Variants in SRRM4 observed in about 807,000 individuals in gnomAD.
SRRM4 encodes the protein serine/arginine repetitive matrix protein 4.
A neutral mutation model predicts 68.9 loss-of-function variants in SRRM4; 33 were observed. That is an observed-to-expected ratio of 0.48 (90% confidence interval 0.36 to 0.64). SRRM4 has a LOEUF of 0.64. Ranked by LOEUF, SRRM4 falls within the 30% of genes least tolerant of loss-of-function variation. The pLI is 0.00. For missense variants in SRRM4, 817 were observed against 827.1 expected, an observed-to-expected ratio of 0.99 and a Z score of 0.15; for synonymous variants, 318 against 318.8, an observed-to-expected ratio of 1.00 and a Z score of 0.03.
At chr12:118,982,636 A>G (rs148663848) in intron 1 of SRRM4, among the ~76,000 whole-genome samples, 3 of 147,324 alleles carry the variant, frequency 2.0e-5, no homozygotes, top group African/African-American at 7.6e-5. Context: ...GCCTTCCAAG[A>G]TCGTGAAGAT....
chr12:119,051,915 C>G (rs1953745418), intron 1 of SRRM4, among the ~76,000 whole-genome samples: 1 of 152,226 alleles, frequency 6.6e-6, no homozygotes, highest in African/African-American at 2.4e-5. Flanking sequence ...ATCTGCACTT[C>G]TATTACTACC....
intron 1 of SRRM4, chr12:118,989,595 C>G (rs1319300395): frequency 2.7e-5 from 4 of 149,812 alleles, no homozygotes; most frequent in African/African-American, 9.8e-5. Flanking sequence ...CTCCCATATG[C>G]TACAGCCTCT....
intron 9 of SRRM4, among the ~76,000 whole-genome samples, chr12:119,147,516 G>A (rs573780809): frequency 1.2e-4 from 18 of 152,352 alleles, no homozygotes; most frequent in Admixed American, 2.6e-4. Context: ...AATGGACCAC[G>A]TTGGTGGAGG....
chr12:119,041,818 G>T (rs901699614), intron 1 of SRRM4, among the ~76,000 whole-genome samples: 3 of 152,176 alleles, frequency 2.0e-5, no homozygotes, highest in African/African-American at 7.2e-5. Context: ...CTGGATGGTG[G>T]TCAGAGGGTG....
intron 1 of SRRM4, among the ~76,000 whole-genome samples, chr12:119,009,185 C>T (rs563701201): frequency 1.3e-5 from 2 of 152,110 alleles, no homozygotes; most frequent in Non-Finnish European, 2.9e-5. Context: ...GGCTCCGGAG[C>T]GAGATGCTAA....
chr12:119,140,859 C>T (rs1349272035), intron 8 of SRRM4, among the ~76,000 whole-genome samples: 1 of 152,220 alleles, frequency 6.6e-6, no homozygotes, highest in Non-Finnish European at 1.5e-5. Context: ...TTTCTCTCTG[C>T]CAGGGGTCTG....
intron 1 of SRRM4, among the ~76,000 whole-genome samples, chr12:119,094,940 A>G (rs545001454): frequency 4.3e-4 from 65 of 152,370 alleles, no homozygotes; most frequent in Middle Eastern, 3.4e-3. Context: ...TGACAGCCTC[A>G]TAAAACTTCC....
rs1954252433 is a variant in SRRM4 at position 119,125,478 on chromosome 12, A to C, written c.613A>C (p.Arg205=). The change falls in exon 7 of 13, where the codon AGG becomes CGG. Residue 205 remains arginine, a splice_region_variant and synonymous_variant. Coordinates refer to ENST00000267260, the MANE Select transcript of SRRM4 (RefSeq NM_194286.4). The stretch of plus-strand genomic sequence containing the variant: ...GTCCCGCCCCTCAAGCTGTGAGAGC[A>C]GGTAACCCCTTGCCCCAGGATCCTC... ...SESRPSSCES[R]HRGRSPEEGQ... The C allele has an allele frequency of 6.3e-7, 1 of 1,580,048 alleles. No individual in the cohort carries two copies. The highest frequency in any genetic ancestry group is 8.6e-7 in the Non-Finnish European group (1 of 1,162,674).
intron 1 of SRRM4, among the ~76,000 whole-genome samples, chr12:119,043,764 A>ACATACACG (rs1403883254): frequency 7.3e-6 from 1 of 136,368 alleles, no homozygotes; most frequent in African/African-American, 3.0e-5. Flanking sequence ...ACACATGCAC[A>ACATACACG]CATACACGCA....
intron 1 of SRRM4, among the ~76,000 whole-genome samples, chr12:118,993,178 T>C (rs1461965759): frequency 1.3e-5 from 2 of 152,144 alleles, no homozygotes; most frequent in Admixed American, 1.3e-4. Context: ...CCAAGTTTAA[T>C]GCCCTCATGC....
intron 9 of SRRM4, among the ~76,000 whole-genome samples, chr12:119,148,966 T>A (rs1954421145): frequency 6.6e-6 from 1 of 152,262 alleles, no homozygotes; most frequent in South Asian, 2.1e-4. Context: ...GTGGGGACTC[T>A]GGAGCTGCAC....
intron 9 of SRRM4, among the ~76,000 whole-genome samples, chr12:119,149,242 G>A (rs529966562): frequency 6.6e-6 from 1 of 152,312 alleles, no homozygotes; most frequent in African/African-American, 2.4e-5. Context: ...CAGCCACTCG[G>A]GAGGCTGAGG....
At chr12:119,061,108 C>T (rs11064650) in intron 1 of SRRM4, among the ~76,000 whole-genome samples, 5,686 of 152,124 alleles carry the variant, frequency 0.037, 195 homozygotes, top group East Asian at 0.12. Flanking sequence ...TGTGACAAGC[C>T]TGTGTACTCA....
intron 8 of SRRM4, among the ~76,000 whole-genome samples, chr12:119,141,251 G>C (rs1954363559): frequency 6.6e-6 from 1 of 152,086 alleles, no homozygotes; most frequent in South Asian, 2.1e-4. Flanking sequence ...TCTTAGAAGA[G>C]AATAATTTGA....
intron 1 of SRRM4, among the ~76,000 whole-genome samples, chr12:119,017,951 C>T (rs1054646305): frequency 6.6e-6 from 1 of 152,170 alleles, no homozygotes; most frequent in African/African-American, 2.4e-5. Context: ...TTAGTTAACC[C>T]ATCTGAACCC....
chr12:119,082,977 T>C (rs1184086479), intron 1 of SRRM4, among the ~76,000 whole-genome samples: 1 of 152,034 alleles, frequency 6.6e-6, no homozygotes, highest in African/African-American at 2.4e-5. Context: ...AGAAAGAACA[T>C]AGGAAGGAAA....
At chr12:119,126,718 G>A (rs1004385973) in intron 7 of SRRM4, among the ~76,000 whole-genome samples, 3 of 152,132 alleles carry the variant, frequency 2.0e-5, no homozygotes, top group African/African-American at 7.2e-5. Flanking sequence ...AAGAACTGGA[G>A]CTTTAACTAT....
At chr12:119,090,855 TTTCTGTAA>T in intron 1 of SRRM4, among the ~76,000 whole-genome samples, 1 of 152,138 alleles carries the variant, frequency 6.6e-6, no homozygotes, top group Non-Finnish European at 1.5e-5. Flanking sequence ...GCAATCTCAG[TTTCTGTAA>T]CCCAGGAGGA....
intron 1 of SRRM4, among the ~76,000 whole-genome samples, chr12:119,026,485 A>G (rs1953549016): frequency 6.6e-6 from 1 of 152,026 alleles, no homozygotes; most frequent in Non-Finnish European, 1.5e-5. Flanking sequence ...ATGTACAGTG[A>G]TCTCATTTTA....
Sources: gnomAD v4.1 joint callset for allele counts (sites outside exome capture counted in the v4.1 genomes callset) on GRCh38, gnomAD v4.1.1 for gene constraint, MANE v1.5 for transcripts, NCBI Gene and HGNC (gene_info 2026-07-23, HGNC 2026-07-21) for gene names.